Variants in SPECC1 observed in about 807,000 individuals in gnomAD.
SPECC1 encodes the protein sperm antigen with calponin homology and coiled-coil domains 1.
Under a neutral mutation model 104.1 loss-of-function variants are expected in SPECC1, and 62 were observed. The observed-to-expected ratio is 0.60, with a 90% CI of 0.49 to 0.74. SPECC1 has a LOEUF of 0.74. Ranked by LOEUF, SPECC1 falls within the 30% of genes least tolerant of loss-of-function variation. The pLI, the probability that SPECC1 is intolerant of heterozygous loss-of-function variation, is 0.00. For synonymous variants in SPECC1, 513 were observed against 501.6 expected (o/e 1.02, Z -0.30); for missense variants, 1,306 against 1,310.5 (o/e 1.00, Z 0.05).
At chr17:20,285,194 G>A (rs770013508) in intron 12 of SPECC1, among the ~76,000 whole-genome samples, 1 of 152,206 alleles carries the variant, frequency 6.6e-6, no homozygotes, top group African/African-American at 2.4e-5. Context: ...AAGCAAATGC[G>A]CAGGCTGTGT....
intron 12 of SPECC1, among the ~76,000 whole-genome samples, chr17:20,288,345 A>C (rs927724571): frequency 6.6e-6 from 1 of 152,178 alleles, no homozygotes; most frequent in African/African-American, 2.4e-5. Context: ...TTTTTCTTCT[A>C]GATCTTTGAG....
intron 3 of SPECC1, among the ~76,000 whole-genome samples, chr17:20,127,067 T>C (rs1567862642): frequency 6.6e-6 from 1 of 152,276 alleles, no homozygotes; most frequent in African/African-American, 2.4e-5. Context: ...TATCATCTAA[T>C]GTGCTTTGCT....
intron 1 of SPECC1, among the ~76,000 whole-genome samples, chr17:20,077,654 G>C (rs906839479): frequency 6.6e-6 from 1 of 151,900 alleles, no homozygotes; most frequent in Admixed American, 6.6e-5. Context: ...TTTAGTAGAG[G>C]TGGGGTTTTG....
At chr17:20,088,909 C>A (rs938127133) in intron 1 of SPECC1, among the ~76,000 whole-genome samples, 1 of 152,198 alleles carries the variant, frequency 6.6e-6, no homozygotes, top group African/African-American at 2.4e-5. Context: ...AGCTCCCTTG[C>A]CCCTTCTGCC....
intron 1 of SPECC1, among the ~76,000 whole-genome samples, chr17:20,046,013 A>T (rs529181627): frequency 1.4e-5 from 1 of 71,462 alleles, no homozygotes; most frequent in African/African-American, 4.7e-5. Context: ...ATACCTTTCT[A>T]AAAAAAAAAA....
At chr17:20,107,144 C>CAAAAAAAAAAAAAAAAAAGAAAAAA (rs2048249415) in intron 2 of SPECC1, among the ~76,000 whole-genome samples, 1 of 68,216 alleles carries the variant, frequency 1.5e-5, no homozygotes, top group Non-Finnish European at 2.4e-5. Flanking sequence ...ACTCGTGTCT[C>CAAAAAAAAAAAAAAAAAAGAAAAAA]AAAAAAAAAA....
chr17:20,205,042 T>G lies in SPECC1; in HGVS notation c.993T>G (p.Phe331Leu), dbSNP rs199896451. The G allele has an allele frequency of 6.2e-7, 1 of 1,614,150 alleles. No individual in the cohort carries two copies. The highest frequency in any genetic ancestry group is 8.5e-7 in the Non-Finnish European group (1 of 1,180,000). ...KASLSPDASD[F>L]EHITAETPSR... ...CTTTGTCGCCAGATGCTTCCGACTT[T>G]GAGCACATTACAGCAGAGACACCCT... is the stretch of plus-strand genomic sequence containing the variant. The change falls in exon 4 of 15, where the codon TTT (phenylalanine) becomes TTG (leucine). Residue 331 changes from phenylalanine to leucine, a missense_variant. Physicochemically the swap from Phe to Leu is conservative, Grantham distance 22. Coordinates refer to ENST00000395527, the MANE Select transcript of SPECC1 (RefSeq NM_001243439.2).
At chr17:20,155,055 T>TA (rs1199966429) in intron 3 of SPECC1, among the ~76,000 whole-genome samples, 1 of 152,004 alleles carries the variant, frequency 6.6e-6, no homozygotes, top group East Asian at 1.9e-4. Flanking sequence ...AGCCTGGAGA[T>TA]ATGTAGATGG....
At chr17:20,074,002 T>C (rs1737160360) in intron 1 of SPECC1, among the ~76,000 whole-genome samples, 1 of 152,226 alleles carries the variant, frequency 6.6e-6, no homozygotes, top group South Asian at 2.1e-4. Context: ...CAAGTTAATA[T>C]ATGAAGTTCT....
rs895988932 is a variant in SPECC1, at chr17:20,030,987, C to CTTTTTG, written c.-22+21581_-22+21586dup. The stretch of plus-strand genomic sequence containing the variant: ...CCTGCTTAATTATTTTTTGGTTTTG[C>CTTTTTG]TTTTTGTTTTTGTTTTTGTTTTTTC... On this transcript the variant is annotated intron_variant, in intron 1 of 14. Coordinates refer to ENST00000395527, the MANE Select transcript of SPECC1 (RefSeq NM_001243439.2). Among the ~76,000 whole-genome samples, 136 of 152,130 alleles carry CTTTTTG rather than the reference C, an allele frequency of 8.9e-4. 1 individual carries two copies. Among genetic ancestry groups the CTTTTTG allele is most frequent in the South Asian group, 2.1e-4 (1 of 4,820 alleles).
In SPECC1 at chr17:20,111,278, T is replaced by C. The variant is rs372434352; in HGVS notation, c.283+716T>C. The stretch of plus-strand genomic sequence containing the variant: ...AACTGAAATACATCGTTACTAATTT[T>C]TAATGTGTTGAAGGGGCACTTATAA... On this transcript the variant is annotated intron_variant, in intron 3 of 14. Transcript: ENST00000395527. Among the ~76,000 whole-genome samples, 26 of 152,318 alleles carry C rather than the reference T, an allele frequency of 1.7e-4. No individual in the cohort carries two copies. In the East Asian group the frequency reaches 2.9e-3, roughly 17 times the overall value.
chr17:20,127,851 C>T (rs748863849), intron 3 of SPECC1, among the ~76,000 whole-genome samples: 7 of 152,062 alleles, frequency 4.6e-5, no homozygotes, highest in Non-Finnish European at 1.0e-4. Flanking sequence ...CTTGTGTGGC[C>T]TTCTGTGCAT....
rs138043222 is a variant in SPECC1 at position 20,227,577 on chromosome 17, G to A, written c.2028G>A (p.Arg676=). 9.6e-4 allele frequency: 1,552 copies of A among 1,611,374 alleles called. 1 individual carries two copies. The highest frequency in any genetic ancestry group is 1.2e-3 in the Non-Finnish European group (1,392 of 1,179,432). The part of the protein sequence containing the change: ...FELEDQVEQH[R]AVKLHNNQLI... Reference sequence around the variant, plus strand: ...TGGAAGATCAGGTGGAACAGCACCGGGCTGTCAAGTTACACAATAATCAAC... The same window carrying A: ...TGGAAGATCAGGTGGAACAGCACCGAGCTGTCAAGTTACACAATAATCAAC... The change falls in exon 5 of 15, where the codon CGG becomes CGA. Residue 676 remains arginine, a synonymous_variant. Transcript: ENST00000395527.
intron 1 of SPECC1, among the ~76,000 whole-genome samples, chr17:20,047,804 A>T (rs190530781): frequency 1.3e-5 from 2 of 152,028 alleles, no homozygotes; most frequent in Admixed American, 1.3e-4. Context: ...TCACCGTGTT[A>T]GCCAGGATGG....
intron 3 of SPECC1, among the ~76,000 whole-genome samples, chr17:20,118,894 AT>A (rs886440848): frequency 7.3e-5 from 11 of 151,520 alleles, no homozygotes; most frequent in Admixed American, 2.6e-4. Flanking sequence ...TTGTTGGTGG[AT>A]TTTTTTTTAT....
chr17:20,118,910 T>C (rs1432878234), intron 3 of SPECC1, among the ~76,000 whole-genome samples: 3 of 152,240 alleles, frequency 2.0e-5, no homozygotes, highest in Non-Finnish European at 2.9e-5. Context: ...TTTTATTGTT[T>C]GCTTATAGCA....
chr17:20,063,634 G>A (rs147284297), intron 1 of SPECC1, among the ~76,000 whole-genome samples: 1 of 152,294 alleles, frequency 6.6e-6, no homozygotes, highest in East Asian at 1.9e-4. Context: ...GATAGTTGTC[G>A]AGGGTCAGGA....
intron 3 of SPECC1, among the ~76,000 whole-genome samples, chr17:20,144,211 G>T (rs1202669398): frequency 4.1e-5 from 5 of 120,658 alleles, no homozygotes; most frequent in African/African-American, 1.7e-4. Flanking sequence ...TTGAGGCAGG[G>T]TCTCTGTCTG....
At chr17:20,145,601 G>A (rs1163249525) in intron 3 of SPECC1, among the ~76,000 whole-genome samples, 3 of 152,194 alleles carry the variant, frequency 2.0e-5, no homozygotes, top group Non-Finnish European at 2.9e-5. Context: ...ACTTTCCCCA[G>A]CCTTCCTCCC....
Sources: gnomAD v4.1 joint callset for allele counts (sites outside exome capture counted in the v4.1 genomes callset) on GRCh38, gnomAD v4.1.1 for gene constraint, MANE v1.5 for transcripts, NCBI Gene and HGNC (gene_info 2026-07-23, HGNC 2026-07-21) for gene names.